LRP1B: variants seen among roughly 807,000 people sequenced by gnomAD.
LRP1B encodes low-density lipoprotein receptor-related protein 1B.
A neutral mutation model predicts 556.6 loss-of-function variants in LRP1B; 217 were observed. The observed-to-expected ratio is 0.39, with a 90% CI of 0.35 to 0.44. The LOEUF (loss-of-function observed/expected upper bound fraction) is 0.44. Among genes scored for constraint, LRP1B ranks in the 20% least tolerant of loss-of-function variants. The pLI is 1.00. For missense variants in LRP1B, 5,053 were observed against 5,620.8 expected (o/e 0.90, Z 3.23); for synonymous variants, 2,047 against 1,865.8 (o/e 1.10, Z -2.50).
chr2:142,093,179 AAACT>A (rs1311078078), intron 1 of LRP1B, among the ~76,000 whole-genome samples: 1 of 152,084 alleles, frequency 6.6e-6, no homozygotes. Context: ...ACAGTAATTA[AAACT>A]AACATTGTGT....
chr2:140,595,121 T>C (rs1204882757), intron 43 of LRP1B, among the ~76,000 whole-genome samples: 3 of 100,394 alleles, frequency 3.0e-5, no homozygotes, highest in African/African-American at 1.4e-4. Flanking sequence ...TATATATATA[T>C]ATATATATAT....
chr2:141,995,982 G>A (rs569898723), intron 1 of LRP1B, among the ~76,000 whole-genome samples: 3 of 152,186 alleles, frequency 2.0e-5, no homozygotes, highest in South Asian at 2.1e-4. Context: ...GGCAGGAAGC[G>A]GTGGCTCACG....
At chr2:141,505,585 A>T (rs1406845727) in intron 2 of LRP1B, among the ~76,000 whole-genome samples, 1 of 152,106 alleles carries the variant, frequency 6.6e-6, no homozygotes, top group Non-Finnish European at 1.5e-5. Flanking sequence ...TGTTAAAATT[A>T]TTCAACATAT....
At chr2:140,527,617 A>G (rs1690492378) in intron 47 of LRP1B, among the ~76,000 whole-genome samples, 1 of 151,630 alleles carries the variant, frequency 6.6e-6, no homozygotes, top group South Asian at 2.1e-4. Context: ...AAATGATAAC[A>G]CAACATGTGA....
intron 79 of LRP1B, among the ~76,000 whole-genome samples, chr2:140,327,687 T>C: frequency 6.6e-6 from 1 of 152,156 alleles, no homozygotes; most frequent in Non-Finnish European, 1.5e-5. Flanking sequence ...CTTAAAAACA[T>C]TAATATTGAT....
At chr2:140,271,909 TTTC>T (rs1260468237) in intron 85 of LRP1B, among the ~76,000 whole-genome samples, 1 of 151,850 alleles carries the variant, frequency 6.6e-6, no homozygotes, top group Non-Finnish European at 1.5e-5. Flanking sequence ...AAAATTATAG[TTTC>T]TTGTTTTATC....
chr2:141,811,521 A>G (rs541360744), intron 1 of LRP1B, among the ~76,000 whole-genome samples: 2 of 151,812 alleles, frequency 1.3e-5, no homozygotes, highest in East Asian at 3.9e-4. Flanking sequence ...CTCTCCCTCA[A>G]CTTCCCTCCG....
intron 43 of LRP1B, among the ~76,000 whole-genome samples, chr2:140,559,622 G>A (rs544059982): frequency 6.6e-6 from 1 of 152,198 alleles, no homozygotes; most frequent in South Asian, 2.1e-4. Flanking sequence ...CATGTCAAGA[G>A]AACATGGGAG....
chr2:141,023,029 AATT>A (rs766118575), intron 11 of LRP1B, among the ~76,000 whole-genome samples: 254 of 151,952 alleles, frequency 1.7e-3, no homozygotes, highest in Non-Finnish European at 3.0e-3. Flanking sequence ...TCCAGTAGAT[AATT>A]ATTTCTTGTA....
chr2:140,477,210 C>A (rs1156917885), intron 59 of LRP1B, among the ~76,000 whole-genome samples: 1 of 151,976 alleles, frequency 6.6e-6, no homozygotes, highest in Non-Finnish European at 1.5e-5. Context: ...CAGAACAATT[C>A]TCTTTGCCTT....
chr2:141,488,229 A>G (rs937797645), intron 2 of LRP1B, among the ~76,000 whole-genome samples: 2 of 152,132 alleles, frequency 1.3e-5, no homozygotes, highest in African/African-American at 4.8e-5. Flanking sequence ...TAATGTAGCA[A>G]TAAAAACATA....
chr2:142,045,593 T>C (rs895076626), intron 1 of LRP1B, among the ~76,000 whole-genome samples: 1 of 151,904 alleles, frequency 6.6e-6, no homozygotes, highest in Non-Finnish European at 1.5e-5. Context: ...AGGAACAATT[T>C]TACATATTAC....
intron 18 of LRP1B, among the ~76,000 whole-genome samples, chr2:140,974,390 A>G (rs1182429512): frequency 2.0e-5 from 3 of 152,230 alleles, no homozygotes; most frequent in African/African-American, 7.2e-5. Context: ...AGAATAAGCA[A>G]CTATGAGTGA....
intron 5 of LRP1B, among the ~76,000 whole-genome samples, chr2:141,230,643 C>T (rs567360992): frequency 6.6e-6 from 1 of 152,258 alleles, no homozygotes; most frequent in Non-Finnish European, 1.5e-5. Context: ...TACTCTTGTT[C>T]GTCTCACTCC....
chr2:141,424,762 C>G (rs1680289024), intron 3 of LRP1B, among the ~76,000 whole-genome samples: 1 of 152,076 alleles, frequency 6.6e-6, no homozygotes, highest in Non-Finnish European at 1.5e-5. Context: ...CCAGATGTAT[C>G]AGAAACATAT....
rs990054627 is a variant in LRP1B at position 140,843,135 on chromosome 2, A to C, written c.4940-2043T>G. On this transcript the variant is annotated intron_variant, in intron 29 of 90. Transcript: ENST00000389484. ...TGGTGGTGGGGGGTGAGGGGTAAGC[A>C]TTGTCTCTGCTGCTCGAAATCCTTT... 6.7e-4 allele frequency among the ~76,000 whole-genome samples: 68 copies of C among 101,270 alleles called. 1 individual carries two copies. The highest frequency in any genetic ancestry group is 1.4e-4 in the Admixed American group (1 of 6,914). 66.4% of individuals were successfully genotyped at this position (101,270 alleles called of 152,430 possible).
intron 2 of LRP1B, among the ~76,000 whole-genome samples, chr2:141,620,738 C>G (rs1688477059): frequency 6.6e-6 from 1 of 151,626 alleles, no homozygotes; most frequent in Non-Finnish European, 1.5e-5. Flanking sequence ...CTGTTTTTAC[C>G]ACTGTTTTGT....
chr2:140,305,214 G>C (rs1265920598), intron 83 of LRP1B, among the ~76,000 whole-genome samples: 1 of 152,132 alleles, frequency 6.6e-6, no homozygotes, highest in African/African-American at 2.4e-5. Context: ...TAGCTTAATG[G>C]GGATGGCATT....
chr2:140,993,712 A>T lies in LRP1B; in HGVS notation c.2644+283T>A, dbSNP rs552639516. 3.9e-5 allele frequency among the ~76,000 whole-genome samples: 6 copies of T among 152,148 alleles called. 1 individual carries two copies. The highest frequency in any genetic ancestry group is 1.4e-4 in the African/African-American group (6 of 41,534). On this transcript the variant is annotated intron_variant, in intron 16 of 90. Transcript: ENST00000389484. ...AAGAATTTCCCTACAGCAACCTCTG[A>T]CAGTGGCATGGTGGCGCTGATATCA...
Sources: gnomAD v4.1 joint callset for allele counts (sites outside exome capture counted in the v4.1 genomes callset) on GRCh38, gnomAD v4.1.1 for gene constraint, MANE v1.5 for transcripts, NCBI Gene and HGNC (gene_info 2026-07-23, HGNC 2026-07-21) for gene names.